Variants in PEAK1 observed in about 807,000 individuals in gnomAD.
PEAK1 encodes the protein inactive tyrosine-protein kinase PEAK1.
Under a neutral mutation model 124.7 loss-of-function variants are expected in PEAK1, and 54 were observed. That is an observed-to-expected ratio of 0.43 (90% CI 0.35 to 0.54). PEAK1 has a LOEUF of 0.54. Ranked by LOEUF, PEAK1 falls within the 20% of genes least tolerant of loss-of-function variation. PEAK1 has a pLI of 0.01. For synonymous variants in PEAK1, 719 were observed against 760.0 expected, an observed-to-expected ratio of 0.95 and a Z score of 0.89; for missense variants, 2,046 against 2,134.5, an observed-to-expected ratio of 0.96 and a Z score of 0.82.
chr15:77,154,356 C>T lies in PEAK1; in HGVS notation c.3331+4147G>A, dbSNP rs1461950624. ...TTGCTTGGTAGATCTTCCTCCATCC[C>T]TTTATTTTGAGCCTATGTGTGTCTC... On this transcript the variant is annotated intron_variant, in intron 8 of 9. Transcript: ENST00000682557. Among the ~76,000 whole-genome samples, 772 of 152,144 alleles carry T rather than the reference C, an allele frequency of 5.1e-3. 5 individuals are homozygous for T. The highest frequency in any genetic ancestry group is 0.016 in the African/African-American group (670 of 41,494).
rs2060750015 is a variant in PEAK1, at chr15:77,249,612, T to C, written c.-115+2755A>G. Among the ~76,000 whole-genome samples, 5 of 152,184 alleles carry C rather than the reference T, an allele frequency of 3.3e-5. 1 individual carries two copies. The South Asian group carries it at 1.0e-3, about 31-fold the overall frequency. On this transcript the variant is annotated intron_variant, in intron 6 of 9. Coordinates refer to ENST00000682557, the MANE Select transcript of PEAK1 (RefSeq NM_001385026.1). ...TGTAGATGGTCTGCTATGTACCTCA[T>C]GGATGTGTTATATGATTTCTGAACT...
At chr15:77,176,981 G>C (rs2056920707) in intron 7 of PEAK1, among the ~76,000 whole-genome samples, 1 of 151,844 alleles carries the variant, frequency 6.6e-6, no homozygotes, top group Non-Finnish European at 1.5e-5. Flanking sequence ...TTTTGAGATG[G>C]AGTTTCACTC....
intron 2 of PEAK1, among the ~76,000 whole-genome samples, chr15:77,364,933 A>G (rs774585296): frequency 2.0e-4 from 30 of 152,348 alleles, no homozygotes; most frequent in Non-Finnish European, 3.2e-4. Context: ...TATTAAAGAT[A>G]TAGAAAAAAT....
intron 6 of PEAK1, among the ~76,000 whole-genome samples, chr15:77,215,535 T>C (rs998442349): frequency 2.0e-5 from 3 of 152,150 alleles, no homozygotes; most frequent in African/African-American, 7.2e-5. Flanking sequence ...CCTAATACAA[T>C]GTAAATAATT....
chr15:77,271,324 C>T (rs1176274325), intron 5 of PEAK1, among the ~76,000 whole-genome samples: 2 of 152,162 alleles, frequency 1.3e-5, no homozygotes, highest in Non-Finnish European at 2.9e-5. Flanking sequence ...CACTTTTACA[C>T]TGTTGGTGGG....
intron 6 of PEAK1, among the ~76,000 whole-genome samples, chr15:77,247,485 C>CTTTTTT (rs398028029): frequency 0.033 from 2,753 of 84,356 alleles, 13 homozygotes; most frequent in East Asian, 0.057. Context: ...CTTTTCTTTT[C>CTTTTTT]TTTTTTTTTT....
At chr15:77,362,819 TGAAAAAAAA>T (rs928183606) in intron 2 of PEAK1, among the ~76,000 whole-genome samples, 4 of 151,248 alleles carry the variant, frequency 2.6e-5, no homozygotes, top group East Asian at 3.8e-4. Context: ...ATATTGTGGA[TGAAAAAAAA>T]GAAAAAAAAG....
intron 1 of PEAK1, among the ~76,000 whole-genome samples, chr15:77,400,520 A>T (rs1022021552): frequency 2.0e-5 from 3 of 152,160 alleles, no homozygotes; most frequent in African/African-American, 7.2e-5. Context: ...ACATGGATGG[A>T]AATGGAGGTC....
chr15:77,118,587 C>T (rs749149322), intron 9 of PEAK1, among the ~76,000 whole-genome samples: 13 of 152,274 alleles, frequency 8.5e-5, no homozygotes, highest in Non-Finnish European at 1.8e-4. Context: ...ATTAAAGTAA[C>T]TTCTTCTTGG....
chr15:77,340,114 A>G (rs1011409344), intron 2 of PEAK1, among the ~76,000 whole-genome samples: 3 of 152,216 alleles, frequency 2.0e-5, no homozygotes, highest in African/African-American at 7.2e-5. Context: ...GTCTCACTGT[A>G]TGATCCAGCA....
At chr15:77,132,247 A>AT (rs919864029) in intron 9 of PEAK1, among the ~76,000 whole-genome samples, 137 of 151,308 alleles carry the variant, frequency 9.1e-4, no homozygotes, top group African/African-American at 3.2e-3. Context: ...CATTTGGCTA[A>AT]TTTTTTCTAT....
chr15:77,289,184 T>C (rs989343132), intron 2 of PEAK1, among the ~76,000 whole-genome samples: 2 of 152,202 alleles, frequency 1.3e-5, no homozygotes, highest in African/African-American at 4.8e-5. Context: ...ATTAGAGATA[T>C]ATTAGAGAAA....
intron 1 of PEAK1, among the ~76,000 whole-genome samples, chr15:77,374,799 T>C (rs1028925231): frequency 2.1e-4 from 32 of 152,128 alleles, no homozygotes; most frequent in African/African-American, 7.0e-4. Context: ...TTCAACACTA[T>C]CTCATTAAGA....
chr15:77,234,891 C>T (rs1383209569), intron 6 of PEAK1, among the ~76,000 whole-genome samples: 2 of 152,212 alleles, frequency 1.3e-5, no homozygotes, highest in East Asian at 3.9e-4. Context: ...GAGATCCAAT[C>T]CTCCCTTGAG....
intron 6 of PEAK1, among the ~76,000 whole-genome samples, chr15:77,238,588 G>T (rs1486937067): frequency 6.6e-6 from 1 of 151,984 alleles, no homozygotes; most frequent in Non-Finnish European, 1.5e-5. Context: ...TGTGATTCTG[G>T]GTTGTGACCC....
chr15:77,266,721 AACTT>A (rs2061754550), intron 5 of PEAK1, among the ~76,000 whole-genome samples: 1 of 152,194 alleles, frequency 6.6e-6, no homozygotes, highest in South Asian at 2.1e-4. Flanking sequence ...AGGCAGGACT[AACTT>A]CAGCTCCCAG....
At chr15:77,254,032 C>T (rs553987216) in intron 5 of PEAK1, among the ~76,000 whole-genome samples, 4 of 152,130 alleles carry the variant, frequency 2.6e-5, no homozygotes, top group Non-Finnish European at 5.9e-5. Context: ...GTTGGCCAGG[C>T]TGGTCCCAAA....
intron 1 of PEAK1, chr15:77,417,430 G>A (rs1324342847): frequency 1.1e-6 from 1 of 943,458 alleles, no homozygotes; most frequent in Non-Finnish European, 1.3e-6. Flanking sequence ...AAAGGACTAG[G>A]AAGGAGAGTG....
chr15:77,212,068 T>A (rs538291123), intron 6 of PEAK1, among the ~76,000 whole-genome samples: 1 of 152,276 alleles, frequency 6.6e-6, no homozygotes, highest in Non-Finnish European at 1.5e-5. Flanking sequence ...CTAATAACTA[T>A]TGGATATGAA....
Sources: gnomAD v4.1 joint callset for allele counts (sites outside exome capture counted in the v4.1 genomes callset) on GRCh38, gnomAD v4.1.1 for gene constraint, MANE v1.5 for transcripts, NCBI Gene and HGNC (gene_info 2026-07-23, HGNC 2026-07-21) for gene names.